Variants in CATSPERZ observed in about 807,000 individuals in gnomAD.
CATSPERZ encodes catsper channel auxiliary subunit zeta.
A neutral mutation model predicts 21.7 loss-of-function variants in CATSPERZ; 21 were observed. The observed-to-expected ratio is 0.97, with a 90% confidence interval of 0.69 to 1.39. The LOEUF is 1.39. Ranked by LOEUF, CATSPERZ falls within the 40% of genes most tolerant of loss-of-function variation. CATSPERZ has a pLI of 0.00. For missense variants in CATSPERZ, 234 were observed against 259.5 expected (o/e 0.90, Z 0.68); for synonymous variants, 127 against 108.7 (o/e 1.17, Z -1.05).
chr11:64,300,591 G>A, intron 1 of CATSPERZ, 66 bp from the exon 2 acceptor site: 2 of 1,504,954 alleles, frequency 1.3e-6, no homozygotes, highest in Admixed American at 2.0e-5. Context: ...CAGTTCCCCA[G>A]CCCGCTCTTC....
intron 2 of CATSPERZ, among the ~76,000 whole-genome samples, 189 bp downstream of exon 2, chr11:64,301,176 C>A (rs1191712707): frequency 6.6e-6 from 1 of 152,262 alleles, no homozygotes; most frequent in Non-Finnish European, 1.5e-5. Flanking sequence ...CCCTCCCGGG[C>A]AGGCGTTGTA....
chr11:64,300,788 C>T lies in CATSPERZ; in HGVS notation c.153C>T (p.Gly51=). 6.4e-7 allele frequency: 1 copy of T among 1,556,138 alleles called. No homozygotes were observed. Among genetic ancestry groups the T allele is most frequent in the Non-Finnish European group, 8.7e-7 (1 of 1,150,442 alleles). Residue 51 remains glycine, a synonymous_variant, in exon 2 of 5, where the codon GGC becomes GGT. Coordinates refer to ENST00000328404, the MANE Select transcript of CATSPERZ (RefSeq NM_001039496.2). Reference sequence around the variant, plus strand: ...TGCCGCTGTCCGAGGTCTGCGAGGGCTTCGACGAGGAGGGCCGCAACATTA... The same window carrying T: ...TGCCGCTGTCCGAGGTCTGCGAGGGTTTCGACGAGGAGGGCCGCAACATTA... ...LNMPLSEVCE[G]FDEEGRNISK...
chr11:64,301,020 G>T (rs1025312355), intron 2 of CATSPERZ, 33 bp downstream of exon 2: 1 of 1,482,564 alleles, frequency 6.7e-7, no homozygotes, highest in Non-Finnish European at 9.1e-7. Context: ...GTGGGCACCC[G>T]CAGGGCAATA....
intron 4 of CATSPERZ, among the ~76,000 whole-genome samples, 166 bp downstream of exon 4, chr11:64,304,005 G>A (rs769179250): frequency 6.6e-6 from 1 of 152,160 alleles, no homozygotes; most frequent in Non-Finnish European, 1.5e-5. Context: ...CTGAGGGACT[G>A]GGCACAGGAA....
intron 2 of CATSPERZ, among the ~76,000 whole-genome samples, chr11:64,302,137 C>A (rs1246372857): frequency 6.6e-6 from 1 of 152,202 alleles, no homozygotes; most frequent in African/African-American, 2.4e-5. Flanking sequence ...CCTCAAACTA[C>A]TTCATCAGAG....
rs759876802 is a variant in CATSPERZ at position 64,300,739 on chromosome 11, C to A, written c.104C>A (p.Thr35Lys). Reference sequence around the variant, plus strand: ...ACTCGGGACCTGTGGACCACGACCACGCTGTCCCAGGCACAGCTGAACATG... The same window carrying A: ...ACTCGGGACCTGTGGACCACGACCAAGCTGTCCCAGGCACAGCTGAACATG... ...SDTRDLWTTT[T>K]LSQAQLNMPL... is the part of the protein sequence containing the mutation. The change falls in exon 2 of 5, where the codon ACG becomes AAG. Residue 35 changes from threonine to lysine, a missense_variant. Physicochemically the swap from Thr to Lys is moderately conservative, Grantham distance 78. Transcript: ENST00000328404. 1.3e-6 allele frequency: 2 copies of A among 1,551,852 alleles called. No individual in the cohort carries two copies. The highest frequency in any genetic ancestry group is 1.7e-6 in the Non-Finnish European group (2 of 1,147,728).
rs753819880 is a variant in CATSPERZ at position 64,303,824 on chromosome 11, A to G, written c.484A>G (p.Thr162Ala). The G allele has an allele frequency of 1.3e-6, 2 of 1,597,912 alleles. No homozygotes were observed. Among genetic ancestry groups the G allele is most frequent in the Non-Finnish European group, 8.5e-7 (1 of 1,172,534 alleles). ...GGAGAATGAAGCTCTGGAAATCCTC[A>G]CCAAAGCCCTCCGGAGTAAGCTCCC... The part of the protein sequence containing the change: ...LMENEALEIL[T>A]KALRSYQLGI... Residue 162 changes from threonine to alanine, a missense_variant, in exon 4 of 5, where the codon ACC becomes GCC. Thr to Ala is a moderately conservative substitution (Grantham distance 58, BLOSUM62 0). Coordinates refer to ENST00000328404, the MANE Select transcript of CATSPERZ (RefSeq NM_001039496.2).
At chr11:64,303,938 C>T in intron 4 of CATSPERZ, 99 bp downstream of exon 4, 1 of 1,181,956 alleles carries the variant, frequency 8.5e-7, no homozygotes. Flanking sequence ...TGCCTTATGT[C>T]TTGTCAGATG....
At chr11:64,302,765 G>A (rs1159538498) in intron 2 of CATSPERZ, among the ~76,000 whole-genome samples, 1 of 151,274 alleles carries the variant, frequency 6.6e-6, no homozygotes, top group Non-Finnish European at 1.5e-5. Flanking sequence ...TAGAGACGGT[G>A]TTTCACCATA....
chr11:64,301,226 A>G (rs1298287180), intron 2 of CATSPERZ, among the ~76,000 whole-genome samples: 2 of 152,198 alleles, frequency 1.3e-5, no homozygotes, highest in Admixed American at 1.3e-4. Context: ...CCGGGGAAGG[A>G]CGCACCAAAT....
At chr11:64,300,571 C>G in intron 1 of CATSPERZ, 86 bp from the exon 2 acceptor site, 1 of 1,521,542 alleles carries the variant, frequency 6.6e-7, no homozygotes, top group South Asian at 1.2e-5. Flanking sequence ...ATCCCCAACC[C>G]GGCCCGGCTC....
In CATSPERZ at chr11:64,300,938, C is replaced by T. The variant is rs371710212; in HGVS notation, c.303C>T (p.Ser101=). The part of the protein sequence containing the change: ...LVELELHRGS[S]MEINLGEKDT... The stretch of plus-strand genomic sequence containing the variant: ...AGCTGGAGTTGCACCGCGGCAGCTC[C>T]ATGGAAATCAATCTGGGGGAGAAGG... Residue 101 remains serine, a synonymous_variant, in exon 2 of 5, where the codon TCC becomes TCT. Transcript: ENST00000328404. The T allele has an allele frequency of 5.7e-6, 9 of 1,580,904 alleles. No individual in the cohort carries two copies. The African/African-American group carries it at 1.1e-4, about 19-fold the overall frequency.
intron 2 of CATSPERZ, 95 bp from the exon 3 acceptor site, chr11:64,303,387 G>A: frequency 2.0e-6 from 2 of 1,002,948 alleles, no homozygotes; most frequent in East Asian, 2.6e-5. Context: ...GGTCTCTGAA[G>A]GCCATTCCCT....
chr11:64,303,702 G>A (rs1346796360), intron 3 of CATSPERZ, 71 bp from the exon 4 acceptor site: 1 of 1,523,824 alleles, frequency 6.6e-7, no homozygotes, highest in South Asian at 1.2e-5. Context: ...CCACAGGGAG[G>A]AGGTGGGGGC....
rs1438585296 is a variant in CATSPERZ, at chr11:64,303,522, C to T, written c.393C>T (p.His131=). The T allele has an allele frequency of 1.9e-6, 3 of 1,613,558 alleles. No individual in the cohort carries two copies. The highest frequency in any genetic ancestry group is 2.2e-5 in the East Asian group (1 of 44,884). ...SSMSSLNIAK[H]MPHRAYWAEQ... ...TGTCATCACTCAATATTGCGAAGCA[C>T]ATGCCCCATCGAGCCTACTGGGCAG... Residue 131 remains histidine, a synonymous_variant, in exon 3 of 5, where the codon CAC becomes CAT. Transcript: ENST00000328404.
At position 64,301,401 on chromosome 11, in the gene CATSPERZ, CTTTTTT is replaced by C. The variant is rs139500689; in HGVS notation, c.352+431_352+436del. Reference sequence around the variant, plus strand: ...GTTCAAGTGATCCTCCCGCCTCCCACTTTTTTTTTTTTTTTTTTTTTTGAGACGGAG... The same window carrying C: ...GTTCAAGTGATCCTCCCGCCTCCCACTTTTTTTTTTTTTTTTGAGACGGAG... On this transcript the variant is annotated intron_variant, in intron 2 of 4. Coordinates refer to ENST00000328404, the MANE Select transcript of CATSPERZ (RefSeq NM_001039496.2). Among the ~76,000 whole-genome samples, 308 of 99,546 alleles carry C rather than the reference CTTTTTT, an allele frequency of 3.1e-3. 2 individuals carry two copies. In the Middle Eastern group the frequency reaches 0.09, roughly 29 times the overall value. 65.3% of individuals were successfully genotyped at this position (99,546 alleles called of 152,430 possible).
At chr11:64,301,135 C>T (rs2034918488) in intron 2 of CATSPERZ, 148 bp downstream of exon 2, 2 of 853,998 alleles carry the variant, frequency 2.3e-6, no homozygotes, top group Non-Finnish European at 3.5e-6. Context: ...ATCTTTCGCC[C>T]TTTAAATCCG....
chr11:64,303,111 G>A (rs2034954303), intron 2 of CATSPERZ, among the ~76,000 whole-genome samples: 1 of 151,816 alleles, frequency 6.6e-6, no homozygotes, highest in East Asian at 1.9e-4. Flanking sequence ...ATGTTGGCCA[G>A]GTTGGTCTCG....
In CATSPERZ at chr11:64,304,653, CA is replaced by C; in HGVS notation, c.*8del. 6.4e-7 allele frequency: 1 copy of C among 1,559,944 alleles called. No individual in the cohort carries two copies. Among genetic ancestry groups the C allele is most frequent in the Non-Finnish European group, 8.7e-7 (1 of 1,152,590 alleles). On this transcript the variant is annotated 3_prime_UTR_variant, in exon 5 of 5. Transcript: ENST00000328404. The stretch of plus-strand genomic sequence containing the variant: ...GAGGCTGTACGTGAATTAAAAACGC[CA>C]CCTTGGGCTCGAGCAGCGACCCGAA...
Sources: allele counts gnomAD v4.1 joint callset (sites outside exome capture counted in the v4.1 genomes callset), GRCh38; gene constraint gnomAD v4.1.1; transcripts MANE v1.5; gene names NCBI Gene and HGNC (gene_info 2026-07-23, HGNC 2026-07-21).